Variants in HMGA2 observed in about 807,000 individuals in gnomAD.
HMGA2 encodes the protein high mobility group AT-hook 2.
Under a neutral mutation model 19.1 loss-of-function variants are expected in HMGA2, and 8 were observed. The ratio of observed to expected loss-of-function variants is 0.42; its 90% CI spans 0.25 to 0.76. HMGA2 has a LOEUF of 0.76. HMGA2 is among the 30% of genes least tolerant of loss of function. The probability of loss-of-function intolerance (pLI) is 0.28; values close to 1 mark genes in which losing one functional copy is unlikely to be tolerated. For synonymous variants in HMGA2, 60 were observed against 48.8 expected (o/e 1.23, Z -0.96); for missense variants, 109 against 136.3 (o/e 0.80, Z 1.00).
At chr12:65,909,057 T>G (rs1327204924) in intron 3 of HMGA2, among the ~76,000 whole-genome samples, 1 of 152,242 alleles carries the variant, frequency 6.6e-6, no homozygotes, top group Non-Finnish European at 1.5e-5. Flanking sequence ...ACTTTCTAAC[T>G]GTTGATCTAA....
chr12:65,878,312 A>G (rs1725770543), intron 3 of HMGA2, among the ~76,000 whole-genome samples: 1 of 152,232 alleles, frequency 6.6e-6, no homozygotes, highest in African/African-American at 2.4e-5. Flanking sequence ...CTGCCAAGCT[A>G]GGTAGCCAGA....
intron 4 of HMGA2, among the ~76,000 whole-genome samples, chr12:65,960,733 A>G (rs1487332069): frequency 1.3e-5 from 2 of 152,238 alleles, no homozygotes; most frequent in African/African-American, 4.8e-5. Context: ...TGTTCCCAGT[A>G]CTAACTGATA....
At chr12:65,851,795 G>C (rs1037266122) in intron 3 of HMGA2, 3 of 286,874 alleles carry the variant, frequency 1.0e-5, no homozygotes, top group Non-Finnish European at 2.2e-5. Context: ...TCACGGTTCT[G>C]AATGAGACTT....
chr12:65,905,216 A>G (rs1874539690), intron 3 of HMGA2, among the ~76,000 whole-genome samples: 1 of 151,578 alleles, frequency 6.6e-6, no homozygotes, highest in African/African-American at 2.4e-5. Context: ...ATAATAGAAA[A>G]TAAGGATAAA....
At chr12:65,946,856 T>G (rs1876282740) in intron 3 of HMGA2, among the ~76,000 whole-genome samples, 1 of 152,254 alleles carries the variant, frequency 6.6e-6, no homozygotes, top group Admixed American at 6.5e-5. Context: ...AATGTTCATT[T>G]GCTGTATGAC....
At chr12:65,897,218 C>T (rs1277777246) in intron 3 of HMGA2, among the ~76,000 whole-genome samples, 1 of 152,090 alleles carries the variant, frequency 6.6e-6, no homozygotes, top group Non-Finnish European at 1.5e-5. Flanking sequence ...AGCATTTATC[C>T]TTTGTGTTGC....
At chr12:65,949,542 G>T (rs1316431135) in intron 3 of HMGA2, among the ~76,000 whole-genome samples, 1 of 152,226 alleles carries the variant, frequency 6.6e-6, no homozygotes, top group Non-Finnish European at 1.5e-5. Flanking sequence ...ATTCAGACAT[G>T]AGAGTGAGGA....
chr12:65,841,428 A>G (rs193254620), intron 3 of HMGA2, among the ~76,000 whole-genome samples: 4 of 152,334 alleles, frequency 2.6e-5, no homozygotes, highest in Admixed American at 2.0e-4. Context: ...AGGAAATTGT[A>G]TATTTTTTCT....
chr12:65,825,497 C>A lies in HMGA2; in HGVS notation c.111+116C>A. 1.8e-6 allele frequency: 1 copy of A among 562,928 alleles called. No individual in the cohort carries two copies. Among genetic ancestry groups the A allele is most frequent in the Non-Finnish European group, 2.6e-6 (1 of 388,298 alleles). 34.9% of individuals were successfully genotyped at this position (562,928 alleles called of 1,614,324 possible). On this transcript the variant is annotated intron_variant, in intron 1 of 4. Coordinates refer to ENST00000403681, the MANE Select transcript of HMGA2 (RefSeq NM_003483.6). The surrounding 1 kb of genome is among the most constrained non-coding windows in gnomAD (Gnocchi z 4.4). ...CAGTCGCCGCGGCCGTCGCACACTG[C>A]CCGCCGGCCGGCCGGGGGGAGCGGC...
At chr12:65,956,821 T>A (rs1467186107) in intron 4 of HMGA2, 1 of 152,194 alleles carries the variant, frequency 6.6e-6, no homozygotes, top group African/African-American at 2.4e-5. Context: ...TTCCTCTACA[T>A]TTTGATGTGT....
rs1870032482 is a variant in HMGA2 at position 65,824,720 on chromosome 12, T to TCTCTCC, written c.-546_-545insCCTCTC. The TCTCTCC allele has an allele frequency of 1.2e-5, 1 of 82,484 alleles. No homozygotes were observed. The allele number at this position is 82,484 out of a possible 1,614,324, so 5.1% of individuals were successfully genotyped here. A position where few individuals can be genotyped will look rare whatever the true frequency, so the allele number is the denominator to read the frequency against. On this transcript the variant is annotated 5_prime_UTR_variant, in exon 1 of 5. Coordinates refer to ENST00000403681, the MANE Select transcript of HMGA2 (RefSeq NM_003483.6). ...ACTTTCAATCTCAATCTCTTCTCTCTCTCTCTCTCTCTCTCTCTCTCTCTC... is the reference window on the plus strand; with the variant it reads ...ACTTTCAATCTCAATCTCTTCTCTCTCTCTCCCTCTCTCTCTCTCTCTCTCTCTCTC...
intron 3 of HMGA2, among the ~76,000 whole-genome samples, chr12:65,940,303 G>A (rs1381842448): frequency 1.3e-5 from 2 of 152,118 alleles, no homozygotes; most frequent in African/African-American, 4.8e-5. Flanking sequence ...TAGAAATCTA[G>A]TGAGAAACAA....
intron 3 of HMGA2, among the ~76,000 whole-genome samples, chr12:65,865,118 GCTTGT>G (rs1230394348): frequency 6.6e-6 from 1 of 152,052 alleles, no homozygotes; most frequent in Non-Finnish European, 1.5e-5. Context: ...TTTCTCTCTT[GCTTGT>G]CTTATTTTTT....
intron 3 of HMGA2, among the ~76,000 whole-genome samples, chr12:65,886,590 C>G (rs1235697996): frequency 1.3e-5 from 2 of 151,976 alleles, no homozygotes; most frequent in Non-Finnish European, 2.9e-5. Flanking sequence ...AACTCCTGAC[C>G]ATGTGATCTG....
intron 3 of HMGA2, among the ~76,000 whole-genome samples, chr12:65,845,258 T>TTTTTG (rs1216323897): frequency 1.3e-5 from 2 of 152,084 alleles, no homozygotes; most frequent in Non-Finnish European, 1.5e-5. Flanking sequence ...AGCGTTTTTG[T>TTTTTG]TTTTGTTTTG....
chr12:65,949,503 G>C (rs558518031), intron 3 of HMGA2, among the ~76,000 whole-genome samples: 1 of 152,174 alleles, frequency 6.6e-6, no homozygotes, highest in Non-Finnish European at 1.5e-5. Flanking sequence ...AAATCTCAGC[G>C]ATGTGTAGAT....
intron 3 of HMGA2, chr12:65,842,471 T>A: frequency 1.2e-6 from 1 of 812,726 alleles, no homozygotes; most frequent in Non-Finnish European, 2.0e-6. Flanking sequence ...TATGTCAGAC[T>A]AACCAAGTAC....
chr12:65,864,295 A>G (rs1872268565), intron 3 of HMGA2, among the ~76,000 whole-genome samples: 2 of 152,246 alleles, frequency 1.3e-5, no homozygotes, highest in South Asian at 2.1e-4. Flanking sequence ...AGAAAAAGCA[A>G]ACTTAAGCAA....
intron 3 of HMGA2, among the ~76,000 whole-genome samples, chr12:65,913,466 G>GC (rs1359322747): frequency 1.3e-5 from 2 of 152,140 alleles, no homozygotes; most frequent in African/African-American, 4.8e-5. Context: ...TTTCTTCAGA[G>GC]CCCATTTCAA....
Sources: allele counts gnomAD v4.1 joint callset (sites outside exome capture counted in the v4.1 genomes callset), GRCh38; gene constraint gnomAD v4.1.1; non-coding constraint Gnocchi (gnomAD v3.1); transcripts MANE v1.5; gene names NCBI Gene and HGNC (gene_info 2026-07-23, HGNC 2026-07-21).